Variants in RIPOR3 observed in about 807,000 individuals in gnomAD.
The protein encoded by RIPOR3 is family with sequence similarity 65 member C.
In RIPOR3, 95 loss-of-function variants were observed where a neutral mutation model predicts 114.3. That is an observed-to-expected ratio of 0.83 (90% CI 0.70 to 0.99). The LOEUF is 0.99. RIPOR3 is among the 50% of genes least tolerant of loss of function. RIPOR3 has a pLI of 0.00. For synonymous variants in RIPOR3, 575 were observed against 543.8 expected (o/e 1.06, Z -0.80); for missense variants, 1,252 against 1,266.9 (o/e 0.99, Z 0.18).
intron 2 of RIPOR3, among the ~76,000 whole-genome samples, chr20:50,621,665 T>C (rs1468184053): frequency 6.6e-6 from 1 of 152,168 alleles, no homozygotes; most frequent in African/African-American, 2.4e-5. Context: ...TGCCACCATG[T>C]AGGGAAACTG....
chr20:50,636,239 G>C (rs1005178551), intron 1 of RIPOR3, among the ~76,000 whole-genome samples: 15 of 152,238 alleles, frequency 9.9e-5, no homozygotes, highest in African/African-American at 3.1e-4. Context: ...GACAGCTCCT[G>C]ACAAGTCCAG....
intron 11 of RIPOR3, among the ~76,000 whole-genome samples, chr20:50,607,358 G>A (rs574909662): frequency 8.0e-5 from 11 of 136,714 alleles, no homozygotes; most frequent in Admixed American, 6.5e-4. Flanking sequence ...AGCCTGGCCC[G>A]TGATGCTCAG....
intron 1 of RIPOR3, among the ~76,000 whole-genome samples, chr20:50,648,166 C>T (rs767797291): frequency 1.3e-5 from 2 of 151,770 alleles, no homozygotes; most frequent in Non-Finnish European, 2.9e-5. Flanking sequence ...ATCCCAGCTA[C>T]TCGGGAGACT....
At chr20:50,685,914 GT>G (rs2087005002) in intron 1 of RIPOR3, among the ~76,000 whole-genome samples, 1 of 151,158 alleles carries the variant, frequency 6.6e-6, no homozygotes, top group African/African-American at 2.4e-5. Context: ...ATGGAAAAAT[GT>G]CCAGGACACC....
intron 6 of RIPOR3, 31 bp downstream of exon 6, chr20:50,610,822 C>G: frequency 1.2e-6 from 2 of 1,614,058 alleles, no homozygotes; most frequent in Non-Finnish European, 1.7e-6. Context: ...ACTGCCCCAC[C>G]CCACCCTGCA....
At chr20:50,613,962 C>T (rs897141421) in intron 4 of RIPOR3, among the ~76,000 whole-genome samples, 6 of 152,192 alleles carry the variant, frequency 3.9e-5, no homozygotes, top group Non-Finnish European at 8.8e-5. Flanking sequence ...CTACCCTGCC[C>T]ACCCCGAGGC....
In RIPOR3 at chr20:50,602,413, C is replaced by T. The variant is rs371251644; in HGVS notation, c.1318G>A (p.Ala440Thr). 74 of 1,605,362 alleles carry T rather than the reference C, an allele frequency of 4.6e-5. No homozygotes were observed. Among genetic ancestry groups the T allele is most frequent in the Non-Finnish European group, 5.6e-5 (66 of 1,175,398 alleles). ...GFLPLTFGPH[A>T]SIEEEAREDP... ...TCCCGAGCCTCCTCTTCAATGGAGG[C>T]GTGGGGACCGAAGGTCAAGGGCAGG... Residue 440 changes from alanine to threonine, a missense_variant, in exon 13 of 22, where the codon GCC becomes ACC. Ala to Thr is a moderately conservative substitution (Grantham distance 58, BLOSUM62 0). Coordinates refer to ENST00000327979, the MANE Select transcript of RIPOR3 (RefSeq NM_001290268.2). The surrounding 1 kb of genome is among the most constrained non-coding windows in gnomAD (Gnocchi z 4.3).
chr20:50,685,641 T>C (rs1600780397), intron 1 of RIPOR3, among the ~76,000 whole-genome samples: 1 of 148,116 alleles, frequency 6.8e-6, no homozygotes, highest in Non-Finnish European at 1.5e-5. Flanking sequence ...CTGGCCAACA[T>C]GGCGAAACCC....
chr20:50,623,862 A>C (rs1165297441), intron 2 of RIPOR3, among the ~76,000 whole-genome samples: 1 of 152,098 alleles, frequency 6.6e-6, no homozygotes, highest in African/African-American at 2.4e-5. Context: ...TTTTGAGATG[A>C]AATTTCGCTC....
intron 17 of RIPOR3, among the ~76,000 whole-genome samples, chr20:50,593,453 C>T (rs1297342677): frequency 1.3e-5 from 2 of 152,138 alleles, no homozygotes; most frequent in African/African-American, 2.4e-5. Context: ...CTGCCTGTTT[C>T]CCAGCAACTC....
At chr20:50,617,989 G>A (rs961009137) in intron 3 of RIPOR3, among the ~76,000 whole-genome samples, 3 of 152,132 alleles carry the variant, frequency 2.0e-5, no homozygotes, top group Admixed American at 1.3e-4. Context: ...GTAGGGGCTG[G>A]GCGTGGTGGC....
intron 1 of RIPOR3, among the ~76,000 whole-genome samples, chr20:50,667,643 C>A (rs1200132195): frequency 6.6e-6 from 1 of 152,172 alleles, no homozygotes; most frequent in African/African-American, 2.4e-5. Flanking sequence ...CACTGTACGG[C>A]CCCTGCATAG....
At chr20:50,651,754 AAC>A (rs2085621106) in intron 1 of RIPOR3, among the ~76,000 whole-genome samples, 1 of 152,228 alleles carries the variant, frequency 6.6e-6, no homozygotes, top group Non-Finnish European at 1.5e-5. Flanking sequence ...TAGCTCAAGA[AAC>A]ACTGTATATG....
chr20:50,642,238 T>C (rs866399338), intron 1 of RIPOR3, among the ~76,000 whole-genome samples: 77 of 152,048 alleles, frequency 5.1e-4, no homozygotes, highest in African/African-American at 1.8e-3. Context: ...TCCAGTTATC[T>C]GCCTTCTTCT....
rs748256451 is a variant in RIPOR3, at chr20:50,589,681, C to T, written c.2661+5G>A. ...CAGCCACTAATGGGGAAACGTCAGG[C>T]TCACCTTGAGGTGTTTGAGCGCTAG... is the stretch of plus-strand genomic sequence containing the variant. On this transcript the variant is annotated splice_donor_5th_base_variant and intron_variant, in intron 20 of 21. Transcript: ENST00000327979. The T allele has an allele frequency of 3.7e-6, 6 of 1,613,354 alleles. No homozygotes were observed. Among genetic ancestry groups the T allele is most frequent in the Non-Finnish European group, 5.1e-6 (6 of 1,179,660 alleles).
At chr20:50,638,545 CA>C (rs2085072721) in intron 1 of RIPOR3, among the ~76,000 whole-genome samples, 1 of 152,186 alleles carries the variant, frequency 6.6e-6, no homozygotes, top group Non-Finnish European at 1.5e-5. Flanking sequence ...AGGGGTCAGC[CA>C]GGGGTCACCT....
chr20:50,656,016 CT>C (rs1331619269), intron 1 of RIPOR3, among the ~76,000 whole-genome samples: 2 of 148,592 alleles, frequency 1.3e-5, no homozygotes, highest in African/African-American at 2.5e-5. Flanking sequence ...TTCTTTTTTT[CT>C]TTTTTTTTGA....
intron 14 of RIPOR3, 76 bp downstream of exon 14, chr20:50,597,504 G>A (rs2083334458): frequency 6.5e-7 from 1 of 1,535,590 alleles, no homozygotes; most frequent in Non-Finnish European, 8.8e-7. Flanking sequence ...CGGGGAGGCT[G>A]GCAGGAAACG....
intron 1 of RIPOR3, among the ~76,000 whole-genome samples, chr20:50,637,378 T>A (rs117270991): frequency 6.6e-6 from 1 of 152,182 alleles, no homozygotes; most frequent in Non-Finnish European, 1.5e-5. Context: ...CTCTCCCAGC[T>A]TGCAGGCCTC....
Sources: gnomAD v4.1 joint callset for allele counts (sites outside exome capture counted in the v4.1 genomes callset) on GRCh38, gnomAD v4.1.1 for gene constraint, Gnocchi (gnomAD v3.1) non-coding constraint, MANE v1.5 for transcripts, NCBI Gene and HGNC (gene_info 2026-07-23, HGNC 2026-07-21) for gene names.